Variants in ANO6 observed in about 807,000 individuals in gnomAD.
ANO6 encodes anoctamin-6.
Under a neutral mutation model 117.5 loss-of-function variants are expected in ANO6, and 106 were observed. The ratio of observed to expected loss-of-function variants is 0.90; its 90% CI spans 0.77 to 1.06. The LOEUF (loss-of-function observed/expected upper bound fraction) is 1.06. ANO6 is among the 50% of genes least tolerant of loss of function. The pLI is 0.00. For missense variants in ANO6, 955 were observed against 1,121.1 expected (o/e 0.85, Z 2.12); for synonymous variants, 367 against 385.1 (o/e 0.95, Z 0.55).
intron 1 of ANO6, among the ~76,000 whole-genome samples, chr12:45,275,260 G>C (rs950746151): frequency 2.0e-5 from 3 of 151,986 alleles, no homozygotes; most frequent in African/African-American, 7.3e-5. Context: ...GCCCAGGCTG[G>C]AGTGCAGTAG....
At chr12:45,279,028 A>G (rs935757502) in intron 1 of ANO6, among the ~76,000 whole-genome samples, 2 of 152,160 alleles carry the variant, frequency 1.3e-5, no homozygotes, top group African/African-American at 4.8e-5. Context: ...TCTTTTCAGT[A>G]TGGGATCCCC....
intron 8 of ANO6, among the ~76,000 whole-genome samples, chr12:45,363,154 C>A (rs1358690554): frequency 6.6e-6 from 1 of 152,036 alleles, no homozygotes; most frequent in African/African-American, 2.4e-5. Context: ...ATTATACTTA[C>A]CATTGGAGCA....
At chr12:45,322,391 T>C (rs539216547) in intron 2 of ANO6, among the ~76,000 whole-genome samples, 1 of 152,232 alleles carries the variant, frequency 6.6e-6, no homozygotes, top group Admixed American at 6.5e-5. Context: ...AAAAGACTAA[T>C]GAGAAAGATA....
chr12:45,331,462 A>T (rs1405641002), intron 3 of ANO6, 39 bp downstream of exon 3: 10 of 1,541,636 alleles, frequency 6.5e-6, no homozygotes, highest in Non-Finnish European at 7.9e-6. Flanking sequence ...TTTATTTCTT[A>T]TATTGTAACA....
chr12:45,269,197 T>C (rs1291017248), intron 1 of ANO6, among the ~76,000 whole-genome samples: 1 of 152,230 alleles, frequency 6.6e-6, no homozygotes, highest in East Asian at 1.9e-4. Flanking sequence ...TTCTGAGGAA[T>C]TACTTTCATT....
chr12:45,333,046 CTTA>C (rs1940720176), intron 3 of ANO6, among the ~76,000 whole-genome samples: 1 of 151,150 alleles, frequency 6.6e-6, no homozygotes, highest in South Asian at 2.1e-4. Flanking sequence ...TGAATTTTTT[CTTA>C]TTAATACATA....
intron 4 of ANO6, 70 bp from the exon 5 acceptor site, chr12:45,347,958 A>G: frequency 6.7e-7 from 1 of 1,482,838 alleles, no homozygotes; most frequent in Non-Finnish European, 9.3e-7. Flanking sequence ...CAACATAAGA[A>G]AAATCTATGT....
chr12:45,222,070 GGC>G (rs1467097394), intron 1 of ANO6, among the ~76,000 whole-genome samples: 2 of 151,278 alleles, frequency 1.3e-5, no homozygotes, highest in Non-Finnish European at 2.9e-5. Context: ...TTTTAATAGA[GGC>G]GGGGTTTCAC....
chr12:45,241,160 C>A (rs181448031), intron 1 of ANO6, among the ~76,000 whole-genome samples: 2 of 152,304 alleles, frequency 1.3e-5, no homozygotes, highest in African/African-American at 2.4e-5. Flanking sequence ...AATTTAGTTC[C>A]ATTCTCCCTG....
At position 45,422,941 on chromosome 12, in the gene ANO6, T is replaced by TC. The variant is rs1943403761; in HGVS notation, c.2421-14dup. On this transcript the variant is annotated splice_polypyrimidine_tract_variant and intron_variant, in intron 18 of 19. Transcript: ENST00000320560. Reference sequence around the variant, plus strand: ...AAAAAGATTTGTCTCCCAATATGTCTCCATTTTGTTTTCAGGTATCGTGAT... The same window carrying TC: ...AAAAAGATTTGTCTCCCAATATGTCTCCCATTTTGTTTTCAGGTATCGTGAT... 1 of 1,558,448 alleles carries TC rather than the reference T, an allele frequency of 6.4e-7. No individual in the cohort carries two copies. The highest frequency in any genetic ancestry group is 1.7e-5 in the Admixed American group (1 of 59,932).
intron 2 of ANO6, among the ~76,000 whole-genome samples, chr12:45,318,715 A>T (rs1229620351): frequency 6.6e-6 from 1 of 152,142 alleles, no homozygotes; most frequent in African/African-American, 2.4e-5. Context: ...TACCTTGGGC[A>T]GTATGGCCAT....
At chr12:45,421,694 C>A (rs915021717) in intron 18 of ANO6, among the ~76,000 whole-genome samples, 10 of 152,196 alleles carry the variant, frequency 6.6e-5, no homozygotes, top group Non-Finnish European at 1.5e-4. Context: ...TATTCAAGCA[C>A]AATCTGAAGA....
At chr12:45,223,178 G>T (rs982656071) in intron 1 of ANO6, among the ~76,000 whole-genome samples, 3 of 152,196 alleles carry the variant, frequency 2.0e-5, no homozygotes, top group African/African-American at 4.8e-5. Context: ...GGAACCCAAG[G>T]AGGGTGTCGT....
chr12:45,439,750 T>C, exon 20 of ANO6: 2 of 1,548,470 alleles, frequency 1.3e-6, no homozygotes, highest in Non-Finnish European at 8.7e-7. Flanking sequence ...CCCAGTTGAC[T>C]GCTGTATGTG....
chr12:45,403,919 T>C (rs1043733520), intron 15 of ANO6, among the ~76,000 whole-genome samples: 6 of 152,322 alleles, frequency 3.9e-5, no homozygotes, highest in Non-Finnish European at 5.9e-5. Context: ...CTATATATTA[T>C]GCATTTAAAA....
chr12:45,248,245 G>C (rs534715786), intron 1 of ANO6, among the ~76,000 whole-genome samples: 6 of 152,084 alleles, frequency 3.9e-5, no homozygotes, highest in African/African-American at 1.4e-4. Flanking sequence ...ATTCTTACAA[G>C]AGTCATATAA....
chr12:45,291,346 CAAAAAAA>C (rs747924513), intron 1 of ANO6, among the ~76,000 whole-genome samples: 112 of 48,236 alleles, frequency 2.3e-3, no homozygotes, highest in Admixed American at 7.9e-3. Flanking sequence ...AACTCCGTCT[CAAAAAAA>C]AAAAAAAAAA....
At chr12:45,416,551 T>C in intron 16 of ANO6, 148 bp from the exon 17 acceptor site, 1 of 725,314 alleles carries the variant, frequency 1.4e-6, no homozygotes, top group Non-Finnish European at 2.4e-6. Context: ...TTGAATTCTT[T>C]CACTGTTGAA....
chr12:45,254,938 G>A (rs2137196166), intron 1 of ANO6, among the ~76,000 whole-genome samples: 1 of 152,166 alleles, frequency 6.6e-6, no homozygotes, highest in African/African-American at 2.4e-5. Context: ...CCCTCATCAA[G>A]CTTTGATTCA....
Sources: allele counts gnomAD v4.1 joint callset (sites outside exome capture counted in the v4.1 genomes callset), GRCh38; gene constraint gnomAD v4.1.1; transcripts MANE v1.5; gene names NCBI Gene and HGNC (gene_info 2026-07-23, HGNC 2026-07-21).